SLX4IP: variants seen among roughly 807,000 people sequenced by gnomAD.
SLX4IP encodes SLX4 interacting protein.
Under a neutral mutation model 32.9 loss-of-function variants are expected in SLX4IP, and 34 were observed. The ratio of observed to expected loss-of-function variants is 1.03; its 90% CI spans 0.79 to 1.38. SLX4IP has a LOEUF of 1.38. SLX4IP is among the 40% of genes most tolerant of loss of function. The probability of loss-of-function intolerance (pLI) is 0.00; values close to 1 mark genes in which losing one functional copy is unlikely to be tolerated. For missense variants in SLX4IP, 444 were observed against 479.0 expected, an observed-to-expected ratio of 0.93 and a Z score of 0.68; for synonymous variants, 172 against 171.7, an observed-to-expected ratio of 1.00 and a Z score of -0.01.
At chr20:10,462,247 C>G (rs1321279692) in intron 2 of SLX4IP, among the ~76,000 whole-genome samples, 3 of 151,974 alleles carry the variant, frequency 2.0e-5, no homozygotes, top group Non-Finnish European at 2.9e-5. Context: ...GAAAGAAAAA[C>G]AAATGGTTGA....
chr20:10,444,968 T>C lies in SLX4IP; in HGVS notation c.-30+9515T>C, dbSNP rs2065189480. 2.6e-5 allele frequency among the ~76,000 whole-genome samples: 4 copies of C among 152,196 alleles called. No homozygotes were observed. In the South Asian group the frequency reaches 6.2e-4, roughly 24 times the overall value. Reference sequence around the variant, plus strand: ...TGGGCCCATCCATGACTGTCATCTGTTCCATCCCAGATAACAGGCTGTGTG... The same window carrying C: ...TGGGCCCATCCATGACTGTCATCTGCTCCATCCCAGATAACAGGCTGTGTG... On this transcript the variant is annotated intron_variant, in intron 1 of 7. Coordinates refer to ENST00000334534, the MANE Select transcript of SLX4IP (RefSeq NM_001009608.3).
chr20:10,586,788 T>G (rs2066651239), intron 4 of SLX4IP, among the ~76,000 whole-genome samples: 1 of 152,084 alleles, frequency 6.6e-6, no homozygotes, highest in African/African-American at 2.4e-5. Context: ...TTCGTGCCAA[T>G]AAATTTGAAA....
intron 2 of SLX4IP, among the ~76,000 whole-genome samples, chr20:10,491,844 C>T (rs686199): frequency 0.39 from 59,445 of 151,982 alleles, 11,849 homozygotes; most frequent in Non-Finnish European, 0.43. Context: ...CTATAAACTC[C>T]TCACTTACCC....
intron 1 of SLX4IP, among the ~76,000 whole-genome samples, chr20:10,451,842 C>T (rs2122332201): frequency 6.6e-6 from 1 of 152,124 alleles, no homozygotes; most frequent in East Asian, 1.9e-4. Flanking sequence ...GTGACGGGCG[C>T]CTGTAATCCC....
chr20:10,577,929 A>G lies in SLX4IP; in HGVS notation c.238+17109A>G, dbSNP rs978005474. ...TTTACCAGTGTGGTGGAATAATTAT[A>G]TATCTCGTTTTTTAAATCTCAGACA... On this transcript the variant is annotated intron_variant, in intron 4 of 7. Coordinates refer to ENST00000334534, the MANE Select transcript of SLX4IP (RefSeq NM_001009608.3). Among the ~76,000 whole-genome samples the G allele has an allele frequency of 3.3e-5, 5 of 152,224 alleles. No individual in the cohort carries two copies. The East Asian group carries it at 7.7e-4, about 23-fold the overall frequency.
intron 2 of SLX4IP, among the ~76,000 whole-genome samples, chr20:10,550,942 C>G (rs2066212420): frequency 6.6e-6 from 1 of 152,216 alleles, no homozygotes; most frequent in African/African-American, 2.4e-5. Context: ...GCCCCTCCCT[C>G]TCTCAGGGCC....
intron 6 of SLX4IP, among the ~76,000 whole-genome samples, chr20:10,617,655 T>TC (rs200804654): frequency 2.2e-3 from 305 of 137,736 alleles, no homozygotes; most frequent in African/African-American, 8.0e-3. Flanking sequence ...TTTCTTTCTT[T>TC]TTTTTTTTTT....
intron 2 of SLX4IP, among the ~76,000 whole-genome samples, chr20:10,523,976 T>A (rs1600961020): frequency 6.6e-6 from 1 of 152,254 alleles, no homozygotes; most frequent in South Asian, 2.1e-4. Context: ...TTTGTTGTTG[T>A]TCCTGTCTGA....
intron 1 of SLX4IP, among the ~76,000 whole-genome samples, chr20:10,443,723 A>G (rs2065177137): frequency 6.6e-6 from 1 of 152,186 alleles, no homozygotes; most frequent in Non-Finnish European, 1.5e-5. Flanking sequence ...CTCATGTTGA[A>G]TTGTAACCCC....
At chr20:10,470,878 G>A (rs980327858) in intron 2 of SLX4IP, among the ~76,000 whole-genome samples, 8 of 152,150 alleles carry the variant, frequency 5.3e-5, no homozygotes, top group African/African-American at 1.9e-4. Context: ...TTGAGGAAAG[G>A]ATTCTAGAAA....
chr20:10,491,094 A>G (rs1194478828), intron 2 of SLX4IP, among the ~76,000 whole-genome samples: 1 of 151,178 alleles, frequency 6.6e-6, no homozygotes, highest in Non-Finnish European at 1.5e-5. Flanking sequence ...AGGTTGTTAC[A>G]CACTTTGGTA....
chr20:10,602,781 C>T (rs2066858095), intron 6 of SLX4IP, among the ~76,000 whole-genome samples: 1 of 152,148 alleles, frequency 6.6e-6, no homozygotes, highest in African/African-American at 2.4e-5. Context: ...TCATCTAAAA[C>T]CAGCTTCTTA....
At chr20:10,516,688 G>A (rs1373955407) in intron 2 of SLX4IP, among the ~76,000 whole-genome samples, 1 of 152,210 alleles carries the variant, frequency 6.6e-6, no homozygotes, top group South Asian at 2.1e-4. Context: ...GAAATATCAA[G>A]TAATAATAAG....
chr20:10,512,606 TA>T (rs2065816433), intron 2 of SLX4IP, among the ~76,000 whole-genome samples: 1 of 144,634 alleles, frequency 6.9e-6, no homozygotes, highest in Admixed American at 7.0e-5. Context: ...TATATATATA[TA>T]AAATATATAT....
At chr20:10,482,454 G>C (rs532131157) in intron 2 of SLX4IP, among the ~76,000 whole-genome samples, 1 of 152,164 alleles carries the variant, frequency 6.6e-6, no homozygotes, top group African/African-American at 2.4e-5. Flanking sequence ...TTCAAGCTAA[G>C]TTTGAGGACT....
intron 2 of SLX4IP, among the ~76,000 whole-genome samples, chr20:10,555,224 C>G (rs1414123884): frequency 2.0e-5 from 3 of 151,780 alleles, no homozygotes; most frequent in Non-Finnish European, 4.4e-5. Flanking sequence ...ACTGTCCAGC[C>G]AAGGAAGTGA....
chr20:10,477,007 C>T (rs2065480201), intron 2 of SLX4IP, among the ~76,000 whole-genome samples: 1 of 152,174 alleles, frequency 6.6e-6, no homozygotes, highest in Non-Finnish European at 1.5e-5. Flanking sequence ...TTCCTTCAGT[C>T]TTCAGTTTAA....
At chr20:10,490,065 A>C (rs930452163) in intron 2 of SLX4IP, among the ~76,000 whole-genome samples, 1 of 152,146 alleles carries the variant, frequency 6.6e-6, no homozygotes, top group Non-Finnish European at 1.5e-5. Context: ...ACCTGTATGG[A>C]TTATGAATGA....
intron 3 of SLX4IP, among the ~76,000 whole-genome samples, chr20:10,559,166 T>C (rs749700550): frequency 3.3e-5 from 5 of 152,144 alleles, no homozygotes; most frequent in Admixed American, 2.6e-4. Flanking sequence ...GGCTGCCTTT[T>C]TGTTGTGTGA....
Sources: gnomAD v4.1 joint callset for allele counts (sites outside exome capture counted in the v4.1 genomes callset) on GRCh38, gnomAD v4.1.1 for gene constraint, MANE v1.5 for transcripts, NCBI Gene and HGNC (gene_info 2026-07-23, HGNC 2026-07-21) for gene names.